The following NEXN variants were observed in gnomAD, a reference collection of about 807,000 sequenced individuals.
The protein encoded by NEXN is nexilin F-actin binding protein, also known as nexilin.
In NEXN, 65 loss-of-function variants were observed where a neutral mutation model predicts 92.6. The ratio of observed to expected loss-of-function variants is 0.70; its 90% confidence interval spans 0.57 to 0.86. The LOEUF is 0.86. Ranked by LOEUF, NEXN falls within the 40% of genes least tolerant of loss-of-function variation. NEXN has a pLI of 0.00. For synonymous variants in NEXN, 254 were observed against 242.5 expected (o/e 1.05, Z -0.44); for missense variants, 778 against 771.1 (o/e 1.01, Z -0.11).
intron 5 of NEXN, among the ~76,000 whole-genome samples, 199 bp from the exon 6 acceptor site, chr1:77,924,989 G>T (rs1258923340): frequency 6.6e-6 from 1 of 151,964 alleles, no homozygotes; most frequent in Non-Finnish European, 1.5e-5. Flanking sequence ...TTGTTTTCTG[G>T]ATATTGATAT....
In NEXN at chr1:77,943,038, A is replaced by T. The variant is rs530666449; in HGVS notation, c.*209A>T. 1.6e-6 allele frequency: 1 copy of T among 611,162 alleles called. No homozygotes were observed. Among genetic ancestry groups the T allele is most frequent in the African/African-American group, 1.9e-5 (1 of 53,694 alleles). 37.9% of individuals were successfully genotyped at this position (611,162 alleles called of 1,614,324 possible). On this transcript the variant is annotated 3_prime_UTR_variant, in exon 13 of 13. Transcript: ENST00000334785. The stretch of plus-strand genomic sequence containing the variant: ...CTATGCTGACTTCTTATTCCTTTTC[A>T]TAACAGTCTTCAAAGCACAGCTCAT...
rs1322863229 is a variant in NEXN at position 77,943,104 on chromosome 1, T to C, written c.*275T>C. 2.4e-6 allele frequency: 1 copy of C among 419,958 alleles called. No homozygotes were observed. Among genetic ancestry groups the C allele is most frequent in the Non-Finnish European group, 4.5e-6 (1 of 222,754 alleles). The allele number at this position is 419,958 out of a possible 1,614,324, so 26.0% of individuals were successfully genotyped here. A position where few individuals can be genotyped will look rare whatever the true frequency, so the allele number is the denominator to read the frequency against. On this transcript the variant is annotated 3_prime_UTR_variant, in exon 13 of 13. Coordinates refer to ENST00000334785, the MANE Select transcript of NEXN (RefSeq NM_144573.4). ...TTCTTTTCCAAATAAGCATCAGATT[T>C]ATCGCCTATTATGCAGTAACAGTCA...
At chr1:77,890,864 A>C (rs1647090797) in intron 1 of NEXN, among the ~76,000 whole-genome samples, 1 of 152,202 alleles carries the variant, frequency 6.6e-6, no homozygotes, top group South Asian at 2.1e-4. Flanking sequence ...GTTTTTATAG[A>C]AGAGAGGACT....
At chr1:77,921,130 T>C (rs1475176848) in intron 5 of NEXN, among the ~76,000 whole-genome samples, 1 of 152,188 alleles carries the variant, frequency 6.6e-6, no homozygotes, top group Non-Finnish European at 1.5e-5. Context: ...CATAAGCTAA[T>C]AAAGAACTGG....
intron 1 of NEXN, among the ~76,000 whole-genome samples, chr1:77,898,380 T>C (rs2102040696): frequency 6.6e-6 from 1 of 152,298 alleles, no homozygotes; most frequent in African/African-American, 2.4e-5. Flanking sequence ...ATCTGATCTT[T>C]GACAAACCTG....
chr1:77,903,526 C>T (rs892643813), intron 1 of NEXN, among the ~76,000 whole-genome samples: 2 of 152,042 alleles, frequency 1.3e-5, no homozygotes, highest in African/African-American at 4.8e-5. Context: ...TTTATAGCTT[C>T]TCATTTTGTA....
rs1317804923 is a variant in NEXN at position 77,942,384 on chromosome 1, T to G, written c.1660-77T>G. On this transcript the variant is annotated intron_variant, in intron 12 of 12. Coordinates refer to ENST00000334785, the MANE Select transcript of NEXN (RefSeq NM_144573.4). ...TGTTCTTTACTTAAAAAAAAAAATT[T>G]CATTTCAAAATTGTTACTAAATCGC... 2.0e-6 allele frequency: 3 copies of G among 1,532,960 alleles called. No homozygotes were observed. In the East Asian group the frequency reaches 6.7e-5, roughly 34 times the overall value. The allele number at this position is 1,532,960 out of a possible 1,614,324, so 95.0% of individuals were successfully genotyped here.
At chr1:77,901,153 C>A (rs554276739) in intron 1 of NEXN, among the ~76,000 whole-genome samples, 6 of 152,208 alleles carry the variant, frequency 3.9e-5, no homozygotes, top group African/African-American at 1.4e-4. Flanking sequence ...TCCTCAGTAC[C>A]ATTTAGGGGT....
chr1:77,929,935 C>T (rs1650158742), intron 9 of NEXN, among the ~76,000 whole-genome samples: 1 of 152,082 alleles, frequency 6.6e-6, no homozygotes, highest in Non-Finnish European at 1.5e-5. Context: ...ATCCCACCTA[C>T]TATATATTAA....
chr1:77,897,945 A>G (rs1206928094), intron 1 of NEXN, among the ~76,000 whole-genome samples: 1 of 152,120 alleles, frequency 6.6e-6, no homozygotes, highest in Non-Finnish European at 1.5e-5. Context: ...TAGGAATCCA[A>G]CTTACAAGGG....
At chr1:77,899,154 C>G (rs1244452421) in intron 1 of NEXN, among the ~76,000 whole-genome samples, 1 of 152,152 alleles carries the variant, frequency 6.6e-6, no homozygotes, top group Non-Finnish European at 1.5e-5. Context: ...CATCCCATTA[C>G]TGGGTATATA....
rs199988442 is a variant in NEXN, at chr1:77,925,208, G to A, written c.468G>A (p.Thr156=). ...RAEQIEDINN[T]GTESASEEGD... Reference sequence around the variant, plus strand: ...AATAGATTGAGGACATAAACAATACGGGAACTGAATCAGCATCAGAGGTAA... The same window carrying A: ...AATAGATTGAGGACATAAACAATACAGGAACTGAATCAGCATCAGAGGTAA... The change falls in exon 6 of 13, where the codon ACG becomes ACA. Residue 156 remains threonine, a synonymous_variant. Coordinates refer to ENST00000334785, the MANE Select transcript of NEXN (RefSeq NM_144573.4). 3.1e-5 allele frequency: 49 copies of A among 1,597,368 alleles called. No homozygotes were observed. Among genetic ancestry groups the A allele is most frequent in the East Asian group, 4.5e-5 (2 of 44,582 alleles).
At chr1:77,917,537 TTTC>T in intron 2 of NEXN, 26 bp from the exon 3 acceptor site, 1 of 1,550,966 alleles carries the variant, frequency 6.4e-7, no homozygotes, top group Non-Finnish European at 8.9e-7. Flanking sequence ...TTTCGTTAAC[TTTC>T]TTTTTTTTAT....
intron 5 of NEXN, among the ~76,000 whole-genome samples, chr1:77,922,263 C>T (rs1299995409): frequency 6.6e-6 from 1 of 151,602 alleles, no homozygotes; most frequent in East Asian, 2.0e-4. Context: ...CCTCAGCCTC[C>T]CAAGTAGCTG....
intron 5 of NEXN, among the ~76,000 whole-genome samples, chr1:77,920,642 A>AGG (rs1557976998): frequency 2.3e-5 from 2 of 88,826 alleles, no homozygotes. Context: ...AAAAAAAAAA[A>AGG]TGGTGGGGGG....
intron 5 of NEXN, among the ~76,000 whole-genome samples, chr1:77,920,934 T>C (rs1649373102): frequency 6.6e-6 from 1 of 152,172 alleles, no homozygotes; most frequent in Admixed American, 6.5e-5. Flanking sequence ...AAGTCAACAC[T>C]ATACCTGAAC....
At position 77,942,085 on chromosome 1, in the gene NEXN, T is replaced by C. The variant is rs1240780635; in HGVS notation, c.1536T>C (p.Asn512=). ...KSEAPFTHKV[N]MKARFEQMAK... is the part of the protein sequence containing the mutation. The stretch of plus-strand genomic sequence containing the variant: ...AGGCTCCATTTACTCACAAAGTGAA[T>C]ATGAAAGCTAGATTTGAACAAATGG... Residue 512 remains asparagine, a synonymous_variant, in exon 12 of 13, where the codon AAT becomes AAC. Transcript: ENST00000334785. 1.9e-6 allele frequency: 3 copies of C among 1,613,706 alleles called. No homozygotes were observed. The highest frequency in any genetic ancestry group is 2.2e-5 in the East Asian group (1 of 44,840).
chr1:77,920,540 G>C (rs1286415541), intron 5 of NEXN, among the ~76,000 whole-genome samples: 1 of 144,608 alleles, frequency 6.9e-6, no homozygotes, highest in Non-Finnish European at 1.5e-5. Flanking sequence ...AGGACTGCTT[G>C]AGCCCAGGAG....
intron 1 of NEXN, among the ~76,000 whole-genome samples, chr1:77,901,160 G>A (rs1261689604): frequency 6.6e-6 from 1 of 152,092 alleles, no homozygotes; most frequent in Non-Finnish European, 1.5e-5. Flanking sequence ...TACCATTTAG[G>A]GGTCCATAAA....
Sources: gnomAD v4.1 joint callset for allele counts (sites outside exome capture counted in the v4.1 genomes callset) on GRCh38, gnomAD v4.1.1 for gene constraint, MANE v1.5 for transcripts, NCBI Gene and HGNC (gene_info 2026-07-23, HGNC 2026-07-21) for gene names.